OR7E24: variants seen among roughly 807,000 people sequenced by gnomAD.
OR7E24 encodes the protein olfactory receptor 7E24.
For synonymous variants in OR7E24, 130 were observed against 157.5 expected (o/e 0.83, Z 1.31); for missense variants, 385 against 410.3 (o/e 0.94, Z 0.53).
chr19:9,225,032 G>A, the OR7E24 span, among the ~76,000 whole-genome samples: 2 of 152,100 alleles, frequency 1.3e-5, no homozygotes, highest in Non-Finnish European at 2.9e-5. Context: ...AGGGATGAAG[G>A]TCAAGGTCAC....
chr19:9,236,627 T>C, the OR7E24 span, among the ~76,000 whole-genome samples: 3 of 151,856 alleles, frequency 2.0e-5, no homozygotes, highest in African/African-American at 4.8e-5. Flanking sequence ...ATATTTCTGC[T>C]GAAGAGCTCT....
chr19:9,210,159 A>T, the OR7E24 span: 1 of 152,106 alleles, frequency 6.6e-6, no homozygotes, highest in Non-Finnish European at 1.5e-5. Context: ...CCTCATATTT[A>T]CCTCAGTATT....
At chr19:9,235,296 T>G in the OR7E24 span, 4 of 1,280,490 alleles carry the variant, frequency 3.1e-6, no homozygotes, top group Admixed American at 3.4e-5. Context: ...CCGTCAGCTC[T>G]GACTCCCACC....
the OR7E24 span, among the ~76,000 whole-genome samples, chr19:9,242,300 A>G: frequency 2.6e-5 from 4 of 152,050 alleles, no homozygotes; most frequent in Admixed American, 2.6e-4. Flanking sequence ...CCCAGGCTGG[A>G]GTGCCATGGC....
chr19:9,233,559 G>A, the OR7E24 span, among the ~76,000 whole-genome samples: 194 of 152,244 alleles, frequency 1.3e-3, 3 homozygotes, highest in African/African-American at 4.4e-3. Flanking sequence ...GAATCACCTG[G>A]CAGGCATTCT....
chr19:9,208,039 A>ATT, the OR7E24 span: 23 of 141,044 alleles, frequency 1.6e-4, no homozygotes, highest in Admixed American at 3.6e-4. Flanking sequence ...ATTAGTTTCT[A>ATT]TTTTTTTTTT....
upstream of OR7E24, among the ~76,000 whole-genome samples, chr19:9,243,009 T>C (rs1200388615): frequency 6.6e-6 from 1 of 152,184 alleles, no homozygotes; most frequent in Non-Finnish European, 1.5e-5. Context: ...TTGTAGAACA[T>C]GTAATAATTA....
chr19:9,235,065 A>G, the OR7E24 span: 12 of 589,844 alleles, frequency 2.0e-5, no homozygotes, highest in Admixed American at 3.1e-5. Context: ...AGGACTCCAT[A>G]GAAGTTGCAT....
Position 9,250,968 on chromosome 19 carries a change from T to A in OR7E24, c.-76T>A. The A allele has an allele frequency of 9.1e-7, 1 of 1,100,336 alleles. No homozygotes were observed. The highest frequency in any genetic ancestry group is 2.6e-5 in the East Asian group (1 of 38,696). The allele number at this position is 1,100,336 out of a possible 1,614,324, so 68.2% of individuals were successfully genotyped here. A position where few individuals can be genotyped will look rare whatever the true frequency, so the allele number is the denominator to read the frequency against. ...ACTGAGAACTATTGCTGAGGGTGTA[T>A]AATCCTATGTGAAAACTTAATTTCT... On this transcript the variant is annotated 5_prime_UTR_variant, in exon 1 of 1. Transcript: ENST00000456448.
At chr19:9,233,007 T>A in the OR7E24 span, among the ~76,000 whole-genome samples, 1 of 148,214 alleles carries the variant, frequency 6.7e-6, no homozygotes, top group East Asian at 2.0e-4. Flanking sequence ...TAACCCTCAC[T>A]CTCCACTCTC....
the OR7E24 span, among the ~76,000 whole-genome samples, chr19:9,234,621 A>T: frequency 6.2e-4 from 94 of 152,336 alleles, no homozygotes; most frequent in East Asian, 5.0e-3. Context: ...AAGGTGGTAG[A>T]CACCTCAGAT....
chr19:9,234,599 G>A, the OR7E24 span, among the ~76,000 whole-genome samples: 1 of 152,150 alleles, frequency 6.6e-6, no homozygotes, highest in South Asian at 2.1e-4. Context: ...CACATAGAAA[G>A]GATAAATACT....
the OR7E24 span, among the ~76,000 whole-genome samples, chr19:9,218,085 C>T: frequency 3.3e-5 from 5 of 152,122 alleles, no homozygotes; most frequent in East Asian, 1.9e-4. Context: ...ACAGTGGTTG[C>T]GATTGTTTTG....
At chr19:9,229,358 C>T in the OR7E24 span, among the ~76,000 whole-genome samples, 2 of 151,710 alleles carry the variant, frequency 1.3e-5, no homozygotes, top group African/African-American at 4.8e-5. Flanking sequence ...GGTGAAACCC[C>T]ATCTCTACTA....
the OR7E24 span, among the ~76,000 whole-genome samples, chr19:9,229,655 C>T: frequency 6.6e-6 from 1 of 152,126 alleles, no homozygotes; most frequent in Non-Finnish European, 1.5e-5. Context: ...ATTCATCTCC[C>T]ACTACCGCTG....
the OR7E24 span, among the ~76,000 whole-genome samples, chr19:9,228,985 A>G: frequency 6.6e-6 from 1 of 152,210 alleles, no homozygotes. Context: ...CCTCGCCGTA[A>G]TGGTGGTGAT....
chr19:9,246,572 TCA>T (rs1257290148), upstream of OR7E24, among the ~76,000 whole-genome samples: 5 of 150,566 alleles, frequency 3.3e-5, no homozygotes, highest in Non-Finnish European at 7.4e-5. Context: ...GCAGCGTTAT[TCA>T]CAATAGCTAA....
At chr19:9,232,946 T>C in the OR7E24 span, among the ~76,000 whole-genome samples, 1 of 152,158 alleles carries the variant, frequency 6.6e-6, no homozygotes, top group African/African-American at 2.4e-5. Context: ...GATGCACTCA[T>C]GTAGAAAGAG....
the OR7E24 span, among the ~76,000 whole-genome samples, chr19:9,240,979 G>A: frequency 1.3e-5 from 2 of 151,954 alleles, no homozygotes; most frequent in African/African-American, 4.8e-5. Flanking sequence ...CACCACGCCT[G>A]GCTAATTTTT....
Sources: gnomAD v4.1 joint callset for allele counts (sites outside exome capture counted in the v4.1 genomes callset) on GRCh38, gnomAD v4.1.1 for gene constraint, MANE v1.5 for transcripts, NCBI Gene and HGNC (gene_info 2026-07-23, HGNC 2026-07-21) for gene names.